APP: variants seen among roughly 807,000 people sequenced by gnomAD.
APP encodes the protein amyloid-beta precursor protein.
A neutral mutation model predicts 101.4 loss-of-function variants in APP; 31 were observed. The observed-to-expected ratio is 0.31, with a 90% CI of 0.23 to 0.41. The LOEUF is 0.41. APP is among the 10% of genes least tolerant of loss of function. The probability of loss-of-function intolerance (pLI) is 1.00; values close to 1 mark genes in which losing one functional copy is unlikely to be tolerated. For missense variants in APP, 839 were observed against 1,003.7 expected (o/e 0.84, Z 2.22); for synonymous variants, 366 against 364.4 (o/e 1.00, Z -0.05).
At chr21:26,116,734 T>G (rs183501152) in intron 1 of APP, among the ~76,000 whole-genome samples, 1 of 152,322 alleles carries the variant, frequency 6.6e-6, no homozygotes, top group East Asian at 1.9e-4. Flanking sequence ...CGTGGATTTA[T>G]GTAATTTTAA....
At chr21:26,106,234 G>T (rs2062179555) in intron 2 of APP, among the ~76,000 whole-genome samples, 1 of 152,094 alleles carries the variant, frequency 6.6e-6, no homozygotes, top group Non-Finnish European at 1.5e-5. Context: ...AGACCCTAAT[G>T]GGGAAATTCT....
intron 13 of APP, among the ~76,000 whole-genome samples, chr21:25,928,443 CAA>C (rs1201902856): frequency 6.6e-6 from 1 of 151,880 alleles, no homozygotes. Context: ...CACACACACA[CAA>C]ACACACACAC....
chr21:25,898,475 A>G (rs977959285), intron 15 of APP, among the ~76,000 whole-genome samples: 1 of 152,242 alleles, frequency 6.6e-6, no homozygotes, highest in African/African-American at 2.4e-5. Flanking sequence ...TGTCCATGCT[A>G]TAACATTTAA....
intron 5 of APP, among the ~76,000 whole-genome samples, chr21:26,038,843 A>T (rs1189996211): frequency 6.6e-6 from 1 of 152,190 alleles, no homozygotes; most frequent in Non-Finnish European, 1.5e-5. Flanking sequence ...AGTCCACTGT[A>T]AACTTTACCG....
chr21:25,959,544 T>C (rs8127963), intron 11 of APP, among the ~76,000 whole-genome samples: 5,121 of 152,342 alleles, frequency 0.034, 273 homozygotes, highest in African/African-American at 0.12. Context: ...CAAGTGCAGG[T>C]AATATTCTGT....
chr21:25,987,147 C>A (rs1260829290), intron 8 of APP, among the ~76,000 whole-genome samples: 1 of 152,190 alleles, frequency 6.6e-6, no homozygotes, highest in Non-Finnish European at 1.5e-5. Flanking sequence ...TTCTATGAAA[C>A]AGCTGTTCCT....
chr21:26,010,979 T>C lies in APP; in HGVS notation c.866-10797A>G, dbSNP rs148486297. 9.2e-3 allele frequency among the ~76,000 whole-genome samples: 1,398 copies of C among 151,314 alleles called. 28 individuals carry two copies. The highest frequency in any genetic ancestry group is 0.032 in the African/African-American group (1,316 of 41,266). ...AGGCAGAGATTGCAGTGAACTGAGA[T>C]CGTGTCACTGCACTCCAGCCTGGGC... On this transcript the variant is annotated intron_variant, in intron 6 of 17. Transcript: ENST00000346798.
At chr21:25,961,523 T>G (rs1422787148) in intron 11 of APP, among the ~76,000 whole-genome samples, 1 of 151,916 alleles carries the variant, frequency 6.6e-6, no homozygotes, top group East Asian at 1.9e-4. Context: ...GATTCCTGCA[T>G]ATTTCACTCA....
At chr21:26,073,625 C>A (rs1174945484) in intron 3 of APP, among the ~76,000 whole-genome samples, 1 of 152,100 alleles carries the variant, frequency 6.6e-6, no homozygotes, top group African/African-American at 2.4e-5. Flanking sequence ...AGTGAGGGAT[C>A]AGGGAGCTCT....
At chr21:26,022,405 G>A (rs918606082) in intron 5 of APP, among the ~76,000 whole-genome samples, 1 of 152,120 alleles carries the variant, frequency 6.6e-6, no homozygotes, top group African/African-American at 2.4e-5. Context: ...GCACGATACT[G>A]TCATAAGTAA....
intron 15 of APP, 143 bp from the exon 16 acceptor site, chr21:25,897,816 T>C: frequency 1.4e-6 from 1 of 693,176 alleles, no homozygotes; most frequent in East Asian, 2.7e-5. Flanking sequence ...TAAAGAAAAA[T>C]GATACCCTAT....
At chr21:26,169,450 T>C (rs1342654634) in intron 1 of APP, 1 of 152,574 alleles carries the variant, frequency 6.6e-6, no homozygotes, top group South Asian at 2.1e-4. Context: ...AAACGCCTCC[T>C]TGGATGCACA....
chr21:25,893,625 C>T (rs1427574714), intron 16 of APP, among the ~76,000 whole-genome samples: 2 of 152,136 alleles, frequency 1.3e-5, no homozygotes, highest in Non-Finnish European at 2.9e-5. Context: ...CCACAACTGT[C>T]TTCAATTCTA....
intron 13 of APP, among the ~76,000 whole-genome samples, chr21:25,915,100 C>G (rs1043612351): frequency 1.3e-5 from 2 of 152,232 alleles, no homozygotes; most frequent in Admixed American, 6.5e-5. Flanking sequence ...TGAAGGCCCT[C>G]TGTGGTCTGG....
intron 10 of APP, 81 bp from the exon 11 acceptor site, chr21:25,975,309 C>T (rs2042185189): frequency 6.4e-7 from 1 of 1,573,324 alleles, no homozygotes; most frequent in Non-Finnish European, 8.7e-7. Flanking sequence ...AAAAAGACAT[C>T]CTATTCCATT....
intron 13 of APP, among the ~76,000 whole-genome samples, chr21:25,927,802 CT>C (rs1306449920): frequency 6.6e-6 from 1 of 152,156 alleles, no homozygotes; most frequent in Non-Finnish European, 1.5e-5. Flanking sequence ...GAAGAAGTCC[CT>C]TTTCCTTTAA....
At chr21:25,976,301 C>G (rs967698517) in intron 9 of APP, among the ~76,000 whole-genome samples, 2 of 151,874 alleles carry the variant, frequency 1.3e-5, no homozygotes, top group Non-Finnish European at 2.9e-5. Flanking sequence ...CGAGAACTGA[C>G]AGTCATTTGA....
intron 1 of APP, among the ~76,000 whole-genome samples, chr21:26,123,766 C>T (rs2062623960): frequency 6.6e-6 from 1 of 152,118 alleles, no homozygotes; most frequent in Non-Finnish European, 1.5e-5. Flanking sequence ...AAAAATCACA[C>T]TGCAGTCTTA....
chr21:26,040,912 A>T (rs145225407), intron 5 of APP, among the ~76,000 whole-genome samples: 1 of 152,346 alleles, frequency 6.6e-6, no homozygotes, highest in East Asian at 1.9e-4. Context: ...TACCACCTAC[A>T]ATTTTACATT....
Sources: gnomAD v4.1 joint callset for allele counts (sites outside exome capture counted in the v4.1 genomes callset) on GRCh38, gnomAD v4.1.1 for gene constraint, MANE v1.5 for transcripts, NCBI Gene and HGNC (gene_info 2026-07-23, HGNC 2026-07-21) for gene names.